RAB40C: variants seen among roughly 807,000 people sequenced by gnomAD.
RAB40C encodes the protein ras-related protein Rab-40C.
RAB40C carries 8 observed loss-of-function variants against 28.1 expected under a neutral mutation model. The observed-to-expected ratio is 0.28, with a 90% confidence interval of 0.17 to 0.51. The LOEUF is 0.51. RAB40C is among the 20% of genes least tolerant of loss of function. The pLI, the probability that RAB40C is intolerant of heterozygous loss-of-function variation, is 0.97. For synonymous variants in RAB40C, 201 were observed against 171.7 expected (o/e 1.17, Z -1.34); for missense variants, 288 against 405.9 (o/e 0.71, Z 2.50).
intron 1 of RAB40C, among the ~76,000 whole-genome samples, chr16:609,381 C>T (rs1214166456): frequency 6.6e-6 from 1 of 152,132 alleles, no homozygotes; most frequent in African/African-American, 2.4e-5. Context: ...GAGCAAGCCC[C>T]TCCTTGCCTG....
chr16:614,330 C>G (rs2036543397), intron 1 of RAB40C, among the ~76,000 whole-genome samples: 1 of 116,248 alleles, frequency 8.6e-6, no homozygotes, highest in African/African-American at 3.3e-5. Flanking sequence ...TGGTGAACTG[C>G]TAACTCTGCC....
intron 1 of RAB40C, among the ~76,000 whole-genome samples, chr16:608,252 CG>C: frequency 6.6e-6 from 1 of 152,140 alleles, no homozygotes; most frequent in Non-Finnish European, 1.5e-5. Flanking sequence ...CATCAGGTGT[CG>C]GGAGAACTCA....
intron 1 of RAB40C, among the ~76,000 whole-genome samples, chr16:598,954 G>A (rs140799238): frequency 4.6e-5 from 7 of 152,202 alleles, no homozygotes; most frequent in East Asian, 1.9e-4. Flanking sequence ...TTCCCTGCCC[G>A]GGGCCGGCGG....
In RAB40C at chr16:590,243, C is replaced by T. The variant is rs1056407189; in HGVS notation, c.-49C>T. 1.5e-6 allele frequency: 2 copies of T among 1,348,594 alleles called. No individual in the cohort carries two copies. The highest frequency in any genetic ancestry group is 1.7e-5 in the South Asian group (1 of 59,594). The allele number at this position is 1,348,594 out of a possible 1,614,324, so 83.5% of individuals were successfully genotyped here. A position where few individuals can be genotyped will look rare whatever the true frequency, so the allele number is the denominator to read the frequency against. ...GGGCTCTCTCACGCCGCGGCCTCAC[C>T]CGGCGGTGCTTCGGCAGGCGGCCGG... On this transcript the variant is annotated 5_prime_UTR_variant, in exon 1 of 6. Transcript: ENST00000248139.
Position 617,394 on chromosome 16 carries a change from C to A in RAB40C, c.203+126C>A. 19 of 1,119,914 alleles carry A rather than the reference C, an allele frequency of 1.7e-5. No individual in the cohort carries two copies. In the South Asian group the frequency reaches 2.2e-4, roughly 13 times the overall value. 69.4% of individuals were successfully genotyped at this position (1,119,914 alleles called of 1,614,324 possible). On this transcript the variant is annotated intron_variant, in intron 2 of 5. Coordinates refer to ENST00000248139, the MANE Select transcript of RAB40C (RefSeq NM_021168.5). ...CACTTGGAAGAGCCACTTACACAGC[C>A]CCTGTTTAAACATAGAATGGATTTT...
intron 1 of RAB40C, among the ~76,000 whole-genome samples, chr16:600,082 T>C (rs76954615): frequency 5.3e-5 from 8 of 151,962 alleles, no homozygotes; most frequent in South Asian, 4.2e-4. Context: ...TTTGTTCCCT[T>C]GTGGCATCAT....
upstream of RAB40C, chr16:589,754 G>A (rs934097959): frequency 1.3e-5 from 2 of 152,376 alleles, no homozygotes; most frequent in Admixed American, 1.3e-4. Context: ...AGCAGGAGGC[G>A]AGTGGCCAAT....
upstream of RAB40C, chr16:589,749 G>A (rs1183855117): frequency 6.6e-6 from 1 of 152,308 alleles, no homozygotes; most frequent in African/African-American, 2.4e-5. Context: ...GGGAAAGCAG[G>A]AGGCGAGTGG....
chr16:607,027 C>T (rs1362949945), intron 1 of RAB40C, among the ~76,000 whole-genome samples: 1 of 152,202 alleles, frequency 6.6e-6, no homozygotes, highest in Non-Finnish European at 1.5e-5. Context: ...GGAACCTCCA[C>T]TCAGGTGGCC....
In RAB40C at chr16:623,948, A is replaced by T. The variant is rs531123149; in HGVS notation, c.265-1484A>T. The T allele has an allele frequency of 5.6e-5, 55 of 985,342 alleles. No homozygotes were observed. The South Asian group carries it at 1.8e-3, about 33-fold the overall frequency. 61.0% of individuals were successfully genotyped at this position (985,342 alleles called of 1,614,324 possible). ...GAGACCCTGTTTCAAAAAAAAAGAA[A>T]ATGCCATCCGCAGTGCTGGGACCTG... On this transcript the variant is annotated intron_variant, in intron 3 of 5. Coordinates refer to ENST00000248139, the MANE Select transcript of RAB40C (RefSeq NM_021168.5).
At chr16:591,854 C>T (rs2036006667) in intron 1 of RAB40C, among the ~76,000 whole-genome samples, 1 of 152,214 alleles carries the variant, frequency 6.6e-6, no homozygotes, top group Non-Finnish European at 1.5e-5. Context: ...CTCGGCCTCC[C>T]AAAGTGCTGG....
chr16:624,542 C>T (rs1295266124), intron 3 of RAB40C: 6 of 985,230 alleles, frequency 6.1e-6, no homozygotes, highest in African/African-American at 3.5e-5. Context: ...TTCCAGATAT[C>T]GAAAGATGGT....
In RAB40C at chr16:610,323, C is replaced by T. The variant is rs1401822746; in HGVS notation, c.143-6885C>T. On this transcript the variant is annotated intron_variant, in intron 1 of 5. Transcript: ENST00000248139. This position sits in a 1 kb window ranked among gnomAD's most constrained non-coding sequence, Gnocchi z 4.6. ...AGGTCGGCTGAGAGGCAGCGCCTGGCTGGGGCTAGATGAACAAGAGGGTTA... is the reference window on the plus strand; with the variant it reads ...AGGTCGGCTGAGAGGCAGCGCCTGGTTGGGGCTAGATGAACAAGAGGGTTA... 6.6e-6 allele frequency among the ~76,000 whole-genome samples: 1 copy of T among 151,856 alleles called. No individual in the cohort carries two copies. Among genetic ancestry groups the T allele is most frequent in the East Asian group, 1.9e-4 (1 of 5,184 alleles).
chr16:625,829 C>T (rs1400079249), intron 4 of RAB40C, 70 bp from the exon 5 acceptor site: 10 of 1,383,882 alleles, frequency 7.2e-6, no homozygotes, highest in South Asian at 2.6e-5. Flanking sequence ...ACAATGAGGG[C>T]GGGCCCTGCT....
chr16:592,258 G>C (rs1688824006), intron 1 of RAB40C, among the ~76,000 whole-genome samples: 1 of 152,142 alleles, frequency 6.6e-6, no homozygotes, highest in African/African-American at 2.4e-5. Context: ...GTCTGCCTTT[G>C]GCTGCTGAGA....
At chr16:605,171 G>T (rs1407110416) in intron 1 of RAB40C, among the ~76,000 whole-genome samples, 1 of 152,202 alleles carries the variant, frequency 6.6e-6, no homozygotes, top group Non-Finnish European at 1.5e-5. Context: ...GCTGCAGCGA[G>T]CCGTGATTGT....
rs370044568 is a variant in RAB40C at position 617,281 on chromosome 16, T to C, written c.203+13T>C. 1.3e-5 allele frequency: 21 copies of C among 1,613,956 alleles called. No homozygotes were observed. The highest frequency in any genetic ancestry group is 3.3e-5 in the Admixed American group (2 of 60,008). The stretch of plus-strand genomic sequence containing the variant: ...AGCTGGAGCTCTGGTGAGTTGGGGC[T>C]GCGGCACTTCAGTTCCTGGGTGAGG... On this transcript the variant is annotated intron_variant, in intron 2 of 5. Transcript: ENST00000248139.
At chr16:616,983 C>T (rs1316302424) in intron 1 of RAB40C, 5 of 567,228 alleles carry the variant, frequency 8.8e-6, no homozygotes, top group South Asian at 2.0e-5. Flanking sequence ...CGCTCCTGCC[C>T]TGCCCTGCCC....
In RAB40C at chr16:628,205, G is replaced by A. The variant is rs988850829; in HGVS notation, c.*583G>A. On this transcript the variant is annotated 3_prime_UTR_variant, in exon 6 of 6. Coordinates refer to ENST00000248139, the MANE Select transcript of RAB40C (RefSeq NM_021168.5). ...CTGGCTCCCACGGGATGGAGGGTGT[G>A]GTCCTGTGGTCAGAGCCCAAGCAGC... The A allele has an allele frequency of 3.9e-5, 6 of 152,464 alleles. No individual in the cohort carries two copies. Among genetic ancestry groups the A allele is most frequent in the African/African-American group, 1.4e-4 (6 of 41,456 alleles). The allele number at this position is 152,464 out of a possible 1,614,324, so 9.4% of individuals were successfully genotyped here.
Sources: gnomAD v4.1 joint callset for allele counts (sites outside exome capture counted in the v4.1 genomes callset) on GRCh38, gnomAD v4.1.1 for gene constraint, Gnocchi (gnomAD v3.1) non-coding constraint, MANE v1.5 for transcripts, NCBI Gene and HGNC (gene_info 2026-07-23, HGNC 2026-07-21) for gene names.